BACE2: variants seen among roughly 807,000 people sequenced by gnomAD.
BACE2 encodes the protein beta-secretase 2, also known as 56 kDa aspartic-like protease.
BACE2 carries 17 observed loss-of-function variants against 46.2 expected under a neutral mutation model. The ratio of observed to expected loss-of-function variants is 0.37; its 90% CI spans 0.25 to 0.55. BACE2 has a LOEUF of 0.55. BACE2 is among the 20% of genes least tolerant of loss of function. The pLI is 0.82. For synonymous variants in BACE2, 277 were observed against 295.9 expected, an observed-to-expected ratio of 0.94 and a Z score of 0.66; for missense variants, 595 against 698.1, an observed-to-expected ratio of 0.85 and a Z score of 1.66.
intron 1 of BACE2, chr21:41,182,764 A>G (rs1357059174): frequency 1.2e-5 from 2 of 167,102 alleles, no homozygotes; most frequent in Non-Finnish European, 2.9e-5. Context: ...GACATGTTCT[A>G]TACTACCTCT....
At chr21:41,210,082 T>A (rs991513042) in intron 1 of BACE2, among the ~76,000 whole-genome samples, 34 of 151,828 alleles carry the variant, frequency 2.2e-4, no homozygotes, top group Non-Finnish European at 1.2e-4. Context: ...AGAATTAGGA[T>A]TTGGGGACTT....
At chr21:41,174,138 C>CTTTTTTTTTTTTTTT (rs1568853912) in intron 1 of BACE2, among the ~76,000 whole-genome samples, 788 of 70,446 alleles carry the variant, frequency 0.011, 75 homozygotes, top group African/African-American at 0.019. Context: ...TGATCAGTGG[C>CTTTTTTTTTTTTTTT]CTTTTTTTTT....
At chr21:41,250,126 T>C (rs1371643947) in intron 6 of BACE2, among the ~76,000 whole-genome samples, 1 of 152,168 alleles carries the variant, frequency 6.6e-6, no homozygotes, top group Non-Finnish European at 1.5e-5. Flanking sequence ...AATTGTTAAC[T>C]GCCACAAGGA....
intron 1 of BACE2, among the ~76,000 whole-genome samples, chr21:41,195,675 CCTCTCCT>C (rs1985708793): frequency 1.3e-5 from 2 of 152,214 alleles, no homozygotes; most frequent in Admixed American, 6.5e-5. Context: ...AACCACAACA[CCTCTCCT>C]CCCCGACTAT....
intron 7 of BACE2, among the ~76,000 whole-genome samples, chr21:41,251,758 A>G (rs1041970386): frequency 6.6e-6 from 1 of 151,020 alleles, no homozygotes; most frequent in Non-Finnish European, 1.5e-5. Context: ...CCGAGATCAC[A>G]CCACTGCACT....
intron 1 of BACE2, among the ~76,000 whole-genome samples, chr21:41,218,987 C>T (rs555199770): frequency 2.0e-5 from 3 of 151,938 alleles, no homozygotes; most frequent in South Asian, 4.2e-4. Flanking sequence ...CTCAGCCTCC[C>T]GAGTAGCTGG....
At position 41,200,071 on chromosome 21, in the gene BACE2, G is replaced by A. The variant is rs541542201; in HGVS notation, c.313-26195G>A. On this transcript the variant is annotated intron_variant, in intron 1 of 8. Coordinates refer to ENST00000330333, the MANE Select transcript of BACE2 (RefSeq NM_012105.5). ...GGGGGAGGGGGGAGGAATAGCATTA[G>A]GAGATATAACTAATGTCAAATGATG... 4.6e-5 allele frequency among the ~76,000 whole-genome samples: 7 copies of A among 151,546 alleles called. No individual in the cohort carries two copies. In the East Asian group the frequency reaches 1.4e-3, roughly 29 times the overall value.
intron 7 of BACE2, among the ~76,000 whole-genome samples, chr21:41,251,829 GAAAA>G (rs1312566825): frequency 4.6e-5 from 7 of 151,850 alleles, no homozygotes; most frequent in Non-Finnish European, 5.9e-5. Flanking sequence ...AAAAAGAAAA[GAAAA>G]AGAAAGAAAA....
chr21:41,248,502 C>T (rs1276421917), intron 6 of BACE2, among the ~76,000 whole-genome samples: 14 of 152,246 alleles, frequency 9.2e-5, no homozygotes, highest in Non-Finnish European at 1.5e-5. Context: ...CGAAACTCTT[C>T]CCCGAATCCA....
At chr21:41,174,360 C>T (rs192951188) in intron 1 of BACE2, among the ~76,000 whole-genome samples, 4 of 151,672 alleles carry the variant, frequency 2.6e-5, no homozygotes, top group African/African-American at 9.7e-5. Context: ...CCAGGATGGT[C>T]TTGATCTCTT....
chr21:41,195,227 A>G (rs1601255684), intron 1 of BACE2, among the ~76,000 whole-genome samples: 1 of 152,250 alleles, frequency 6.6e-6, no homozygotes, highest in Non-Finnish European at 1.5e-5. Flanking sequence ...ACCAAAGCCT[A>G]TGATATTTAC....
intron 1 of BACE2, among the ~76,000 whole-genome samples, chr21:41,168,987 C>G (rs1274383194): frequency 3.8e-5 from 1 of 26,660 alleles, no homozygotes. Context: ...TACCCTCCCT[C>G]CCCCCCGCCC....
chr21:41,223,170 A>C (rs772187647), intron 1 of BACE2, among the ~76,000 whole-genome samples: 2 of 152,082 alleles, frequency 1.3e-5, no homozygotes, highest in African/African-American at 2.4e-5. Context: ...CCTGGGCAAC[A>C]TAGTGAGACC....
chr21:41,174,972 T>C (rs1393555101), intron 1 of BACE2, among the ~76,000 whole-genome samples: 1 of 152,120 alleles, frequency 6.6e-6, no homozygotes, highest in African/African-American at 2.4e-5. Context: ...ATGTTTCTGG[T>C]GGAACCTGAG....
intron 1 of BACE2, among the ~76,000 whole-genome samples, chr21:41,202,491 A>G (rs1451781469): frequency 6.6e-6 from 1 of 152,234 alleles, no homozygotes. Context: ...GGGGATGGGA[A>G]GTATTCAGCC....
At chr21:41,181,301 C>A (rs1033480262) in intron 1 of BACE2, 2 of 167,044 alleles carry the variant, frequency 1.2e-5, no homozygotes, top group Non-Finnish European at 2.9e-5. Context: ...AGAAGCCCTG[C>A]GGGGTGCGAT....
intron 1 of BACE2, among the ~76,000 whole-genome samples, chr21:41,198,854 TTTATTTATTTA>T (rs1568864647): frequency 1.4e-4 from 19 of 136,740 alleles, no homozygotes; most frequent in African/African-American, 4.8e-4. Context: ...ACGCTTTTTA[TTTATTTATTTA>T]TTTATTTATT....
rs1568853912 is a variant in BACE2 at position 41,174,138 on chromosome 21, C to CTTTTTTTTTTTTTT, written c.312+5563_312+5564insTTTTTTTTTTTTTT. ...TAAGGATAGCTGTTGTGATCAGTGGCCTTTTTTTTTTTTTTTTTTTTTTTT... is the reference window on the plus strand; with the variant it reads ...TAAGGATAGCTGTTGTGATCAGTGGCTTTTTTTTTTTTTTCTTTTTTTTTTTTTTTTTTTTTTTT... On this transcript the variant is annotated intron_variant, in intron 1 of 8. Coordinates refer to ENST00000330333, the MANE Select transcript of BACE2 (RefSeq NM_012105.5). Among the ~76,000 whole-genome samples the CTTTTTTTTTTTTTT allele has an allele frequency of 5.3e-3, 374 of 70,572 alleles. 47 individuals are homozygous for CTTTTTTTTTTTTTT. The highest frequency in any genetic ancestry group is 0.028 in the African/African-American group (292 of 10,506). 46.3% of individuals were successfully genotyped at this position (70,572 alleles called of 152,430 possible).
At position 41,168,304 on chromosome 21, in the gene BACE2, C is replaced by T; in HGVS notation, c.41C>T (p.Ala14Val). ...LARALLLPLL[A>V]QWLLRAAPEL... ...CGGGCGCTGCTGCTGCCTCTGCTGG[C>T]CCAGTGGCTCCTGCGCGCCGCCCCG... The change falls in exon 1 of 9, where the codon GCC (alanine) becomes GTC (valine). Residue 14 changes from alanine (A) to valine (V), a missense_variant. By Grantham distance (64) the Ala-to-Val change is moderately conservative (BLOSUM62 0). Transcript: ENST00000330333. The T allele has an allele frequency of 7.6e-7, 1 of 1,313,152 alleles. No individual in the cohort carries two copies. Among genetic ancestry groups the T allele is most frequent in the Non-Finnish European group, 9.7e-7 (1 of 1,031,970 alleles). The allele number at this position is 1,313,152 out of a possible 1,614,324, so 81.3% of individuals were successfully genotyped here.
Sources: gnomAD v4.1 joint callset for allele counts (sites outside exome capture counted in the v4.1 genomes callset) on GRCh38, gnomAD v4.1.1 for gene constraint, MANE v1.5 for transcripts, NCBI Gene and HGNC (gene_info 2026-07-23, HGNC 2026-07-21) for gene names.